Variants in FOCAD observed in about 807,000 individuals in gnomAD.
The protein encoded by FOCAD is focadhesin, also known as KIAA1797.
Under a neutral mutation model 225.6 loss-of-function variants are expected in FOCAD, and 198 were observed. The observed-to-expected ratio is 0.88, with a 90% confidence interval of 0.78 to 0.99. The LOEUF is 0.99. Among genes scored for constraint, FOCAD ranks in the 50% least tolerant of loss-of-function variants. The pLI, the probability that FOCAD is intolerant of heterozygous loss-of-function variation, is 0.00. For missense variants in FOCAD, 2,713 were observed against 2,123.6 expected (o/e 1.28, Z -5.46); for synonymous variants, 897 against 755.0 (o/e 1.19, Z -3.08).
chr9:20,945,300 A>G (rs1837066904), intron 29 of FOCAD, among the ~76,000 whole-genome samples: 1 of 152,204 alleles, frequency 6.6e-6, no homozygotes, highest in Non-Finnish European at 1.5e-5. Flanking sequence ...GGTGTTAACC[A>G]TGTTTTTAGA....
rs112841152 is a variant in FOCAD at position 20,844,853 on chromosome 9, T to C, written c.1921-17725T>C. 6.6e-3 allele frequency among the ~76,000 whole-genome samples: 1,007 copies of C among 152,250 alleles called. 12 individuals carry two copies. The highest frequency in any genetic ancestry group is 0.023 in the African/African-American group (943 of 41,570). On this transcript the variant is annotated intron_variant, in intron 15 of 43. Transcript: ENST00000338382. ...TTAATGTGATGGGTTTATTGAGTGA[T>C]TTTTGTTTCTCTTTCGTGAAATTTT...
At chr9:20,751,083 T>A (rs1828496008) in intron 5 of FOCAD, among the ~76,000 whole-genome samples, 1 of 152,110 alleles carries the variant, frequency 6.6e-6, no homozygotes, top group African/African-American at 2.4e-5. Context: ...AGCCAGGATG[T>A]AAATTTGGAA....
chr9:20,778,743 T>G lies in FOCAD; in HGVS notation c.969T>G (p.Ser323Arg). The G allele has an allele frequency of 6.2e-7, 1 of 1,610,650 alleles. No individual in the cohort carries two copies. The highest frequency in any genetic ancestry group is 1.1e-5 in the South Asian group (1 of 90,936). The change falls in exon 9 of 44, where the codon AGT becomes AGG. Residue 323 changes from serine (S) to arginine (R), a missense_variant. Physicochemically the swap from Ser to Arg is moderately radical, Grantham distance 110. Transcript: ENST00000338382. The stretch of plus-strand genomic sequence containing the variant: ...TACTACTTCTACAGACTCCAGCAAG[T>G]CAGCAGAAGCCAATCTTAAATCTAG... ...IALLLLQTPA[S>R]QQKPILNLAL...
At chr9:20,794,606 C>G (rs1013046413) in intron 11 of FOCAD, among the ~76,000 whole-genome samples, 1 of 152,098 alleles carries the variant, frequency 6.6e-6, no homozygotes, top group African/African-American at 2.4e-5. Context: ...GAAAGCTAAG[C>G]AGCACAAATG....
chr9:20,952,407 G>A (rs1837766976), intron 34 of FOCAD: 1 of 152,180 alleles, frequency 6.6e-6, no homozygotes, highest in Non-Finnish European at 1.5e-5. Flanking sequence ...AAAGAATTTA[G>A]GAGAAACTCA....
intron 1 of FOCAD, among the ~76,000 whole-genome samples, chr9:20,697,421 A>G (rs779369981): frequency 1.3e-5 from 2 of 152,222 alleles, no homozygotes; most frequent in Non-Finnish European, 2.9e-5. Context: ...AGCACCCTGT[A>G]GAGGCTTACA....
At chr9:20,794,616 G>A (rs1166925046) in intron 11 of FOCAD, among the ~76,000 whole-genome samples, 1 of 152,088 alleles carries the variant, frequency 6.6e-6, no homozygotes, top group East Asian at 1.9e-4. Context: ...CAGCACAAAT[G>A]ATAATTTATC....
intron 1 of FOCAD, among the ~76,000 whole-genome samples, chr9:20,687,010 T>TC (rs755300988): frequency 5.3e-5 from 8 of 151,744 alleles, no homozygotes; most frequent in Non-Finnish European, 1.0e-4. Context: ...TTTTTTTTTT[T>TC]CCCCCTACTC....
intron 15 of FOCAD, among the ~76,000 whole-genome samples, chr9:20,859,379 C>T (rs1828543338): frequency 6.8e-6 from 1 of 146,288 alleles, no homozygotes; most frequent in Non-Finnish European, 1.5e-5. Flanking sequence ...GAAACTCCAT[C>T]TCAAAAAAAA....
intron 5 of FOCAD, among the ~76,000 whole-genome samples, chr9:20,752,458 C>G (rs1198851852): frequency 6.6e-6 from 1 of 152,260 alleles, no homozygotes. Context: ...TGCCAAAGAT[C>G]AGATAGTTGT....
intron 26 of FOCAD, 99 bp from the exon 27 acceptor site, chr9:20,929,259 A>G (rs1170726370): frequency 3.4e-6 from 3 of 876,082 alleles, no homozygotes; most frequent in African/African-American, 3.4e-5. Context: ...GCCGGGGTGG[A>G]TCTAAGAGAA....
At chr9:20,972,990 C>T (rs1426469260) in intron 35 of FOCAD, among the ~76,000 whole-genome samples, 2 of 149,458 alleles carry the variant, frequency 1.3e-5, no homozygotes, top group South Asian at 4.2e-4. Context: ...CTGACTTTGC[C>T]CTGTTCTGGT....
At chr9:20,965,127 G>A (rs1839143221) in intron 35 of FOCAD, among the ~76,000 whole-genome samples, 1 of 152,110 alleles carries the variant, frequency 6.6e-6, no homozygotes, top group South Asian at 2.1e-4. Flanking sequence ...CAGGAATGAG[G>A]GCATGGTACT....
At chr9:20,685,788 C>A (rs1479147097) in intron 1 of FOCAD, among the ~76,000 whole-genome samples, 6 of 152,100 alleles carry the variant, frequency 3.9e-5, no homozygotes, top group Admixed American at 3.9e-4. Context: ...TTTCATTAAC[C>A]CCAAATTTAC....
intron 11 of FOCAD, among the ~76,000 whole-genome samples, chr9:20,804,018 G>C (rs1822133533): frequency 6.6e-6 from 1 of 152,128 alleles, no homozygotes; most frequent in Non-Finnish European, 1.5e-5. Flanking sequence ...ATAATCTCAA[G>C]TTTAGGCTTC....
intron 15 of FOCAD, among the ~76,000 whole-genome samples, chr9:20,842,766 T>A (rs947790082): frequency 6.6e-6 from 1 of 152,004 alleles, no homozygotes; most frequent in African/African-American, 2.4e-5. Flanking sequence ...TTATTCATTG[T>A]TTTCTGGTTG....
intron 15 of FOCAD, among the ~76,000 whole-genome samples, chr9:20,833,976 A>G (rs183252779): frequency 2.6e-4 from 40 of 152,276 alleles, no homozygotes; most frequent in Non-Finnish European, 4.9e-4. Flanking sequence ...TGATCCAGCA[A>G]TTCCACTTCT....
intron 42 of FOCAD, among the ~76,000 whole-genome samples, chr9:20,992,852 G>C (rs956072431): frequency 2.0e-5 from 3 of 151,970 alleles, no homozygotes; most frequent in African/African-American, 7.2e-5. Context: ...AGTCCCCGCT[G>C]CTCTGGAGGC....
At chr9:20,909,563 A>T (rs1833267475) in intron 22 of FOCAD, among the ~76,000 whole-genome samples, 1 of 152,112 alleles carries the variant, frequency 6.6e-6, no homozygotes, top group Admixed American at 6.6e-5. Context: ...GATGGTTGGT[A>T]TCTTTATTTA....
Sources: gnomAD v4.1 joint callset for allele counts (sites outside exome capture counted in the v4.1 genomes callset) on GRCh38, gnomAD v4.1.1 for gene constraint, MANE v1.5 for transcripts, NCBI Gene and HGNC (gene_info 2026-07-23, HGNC 2026-07-21) for gene names.